ANKRD28: variants seen among roughly 807,000 people sequenced by gnomAD.
ANKRD28 encodes ankyrin repeat domain 28, also known as serine/threonine-protein phosphatase 6 regulatory ankyrin repeat subunit A.
A neutral mutation model predicts 126.5 loss-of-function variants in ANKRD28; 44 were observed. The ratio of observed to expected loss-of-function variants is 0.35; its 90% confidence interval spans 0.27 to 0.45. The LOEUF (loss-of-function observed/expected upper bound fraction) is 0.45, where lower values mean the gene tolerates loss of function less well. Ranked by LOEUF, ANKRD28 falls within the 20% of genes least tolerant of loss-of-function variation. The probability of loss-of-function intolerance (pLI) is 1.00; values close to 1 mark genes in which losing one functional copy is unlikely to be tolerated. For synonymous variants in ANKRD28, 442 were observed against 468.5 expected (o/e 0.94, Z 0.73); for missense variants, 1,110 against 1,316.6 (o/e 0.84, Z 2.43).
chr3:15,811,723 G>T (rs1468956686), intron 1 of ANKRD28, among the ~76,000 whole-genome samples: 1 of 151,816 alleles, frequency 6.6e-6, no homozygotes, highest in Non-Finnish European at 1.5e-5. Flanking sequence ...AAAGTACTGG[G>T]ATTACAGGTG....
chr3:15,804,647 T>C (rs907682868), intron 1 of ANKRD28, among the ~76,000 whole-genome samples: 6 of 145,618 alleles, frequency 4.1e-5, no homozygotes, highest in Non-Finnish European at 1.5e-5. Flanking sequence ...CAAAGGTAAT[T>C]ACAGCAAATG....
chr3:15,730,897 G>T (rs957235495), intron 6 of ANKRD28, among the ~76,000 whole-genome samples: 1 of 152,008 alleles, frequency 6.6e-6, no homozygotes, highest in African/African-American at 2.4e-5. Context: ...AGGCAATAAG[G>T]GCTCTGTCCT....
intron 4 of ANKRD28, among the ~76,000 whole-genome samples, chr3:15,743,301 C>T (rs2057231969): frequency 1.3e-5 from 2 of 152,192 alleles, no homozygotes; most frequent in Admixed American, 6.5e-5. Context: ...CCACTATTGT[C>T]CTATGACCCT....
intron 1 of ANKRD28, among the ~76,000 whole-genome samples, chr3:15,840,042 T>C (rs1160702537): frequency 6.6e-6 from 1 of 152,014 alleles, no homozygotes; most frequent in Admixed American, 6.6e-5. Context: ...GTACTGGAAG[T>C]CCTAGAGAAA....
intron 2 of ANKRD28, among the ~76,000 whole-genome samples, chr3:15,770,446 G>A (rs2058944210): frequency 6.6e-6 from 1 of 151,000 alleles, no homozygotes; most frequent in Non-Finnish European, 1.5e-5. Context: ...GCATTACTGG[G>A]TACAGAAATC....
At chr3:15,682,810 T>C (rs2067679878) in intron 21 of ANKRD28, among the ~76,000 whole-genome samples, 1 of 152,256 alleles carries the variant, frequency 6.6e-6, no homozygotes, top group Admixed American at 6.5e-5. Flanking sequence ...AATATGGTAT[T>C]AATTTTAGGC....
At chr3:15,719,634 T>A (rs1001772022) in intron 8 of ANKRD28, among the ~76,000 whole-genome samples, 1 of 152,172 alleles carries the variant, frequency 6.6e-6, no homozygotes, top group Non-Finnish European at 1.5e-5. Context: ...AGTGGTGCGA[T>A]CATAGTTCAC....
At chr3:15,803,917 T>TA (rs1363407279) in intron 1 of ANKRD28, among the ~76,000 whole-genome samples, 21 of 145,118 alleles carry the variant, frequency 1.4e-4, no homozygotes, top group Non-Finnish European at 2.5e-4. Flanking sequence ...AATGAAATGT[T>TA]AAATCCCAAA....
intron 2 of ANKRD28, among the ~76,000 whole-genome samples, chr3:15,789,844 T>TA (rs1480591537): frequency 6.6e-6 from 1 of 151,668 alleles, no homozygotes. Context: ...AAAGTTGACT[T>TA]AAAAAAATAC....
chr3:15,706,569 T>A (rs1172405801), intron 14 of ANKRD28, among the ~76,000 whole-genome samples: 1 of 152,198 alleles, frequency 6.6e-6, no homozygotes, highest in Non-Finnish European at 1.5e-5. Flanking sequence ...TGTGTCTTTA[T>A]AGCAGCATGA....
Position 15,846,746 on chromosome 3 carries a change from G to A in ANKRD28, c.27+12631C>T, listed in dbSNP as rs1164282423. ...TGATCAGCTGGGTGTGCCTGAGGAG[G>A]CTGGAGACAACCCAGGCTGAAAGAA... On this transcript the variant is annotated intron_variant, in intron 1 of 27. Transcript: ENST00000399451. The surrounding 1 kb of genome is among the most constrained non-coding windows in gnomAD (Gnocchi z 5.4). Among the ~76,000 whole-genome samples the A allele has an allele frequency of 1.3e-5, 2 of 152,210 alleles. No homozygotes were observed. Among genetic ancestry groups the A allele is most frequent in the African/African-American group, 2.4e-5 (1 of 41,444 alleles).
intron 8 of ANKRD28, among the ~76,000 whole-genome samples, chr3:15,718,100 A>T (rs2073284504): frequency 6.6e-6 from 1 of 152,226 alleles, no homozygotes; most frequent in African/African-American, 2.4e-5. Flanking sequence ...AATTATAAAA[A>T]ATACAGTTGT....
intron 3 of ANKRD28, among the ~76,000 whole-genome samples, chr3:15,763,519 T>C (rs928424081): frequency 6.6e-5 from 10 of 152,160 alleles, no homozygotes; most frequent in Admixed American, 3.3e-4. Flanking sequence ...AAAAAGGATG[T>C]CAGGTAACAA....
Position 15,854,071 on chromosome 3 carries a change from A to C in ANKRD28, c.27+5306T>G, listed in dbSNP as rs547117717. On this transcript the variant is annotated intron_variant, in intron 1 of 27. Transcript: ENST00000399451. The surrounding 1 kb of genome is among the most constrained non-coding windows in gnomAD (Gnocchi z 4.1). Reference sequence around the variant, plus strand: ...TGCCTTTTGTAATCTACTCTTCCAAAACCTGTAATGGTTATCTAACTTTCA... The same window carrying C: ...TGCCTTTTGTAATCTACTCTTCCAACACCTGTAATGGTTATCTAACTTTCA... Among the ~76,000 whole-genome samples the C allele has an allele frequency of 5.9e-5, 9 of 152,174 alleles. No individual in the cohort carries two copies. The highest frequency in any genetic ancestry group is 3.3e-4 in the Admixed American group (5 of 15,288).
At chr3:15,670,628 TA>T in intron 27 of ANKRD28, 72 bp from the exon 28 acceptor site, 4 of 1,431,464 alleles carry the variant, frequency 2.8e-6, no homozygotes, top group Non-Finnish European at 3.8e-6. Flanking sequence ...GAAATAAGCC[TA>T]AAGTACTTCA....
intron 14 of ANKRD28, among the ~76,000 whole-genome samples, chr3:15,701,708 A>C (rs1010044141): frequency 2.0e-5 from 3 of 152,212 alleles, no homozygotes; most frequent in Non-Finnish European, 4.4e-5. Context: ...TGATAAAGAA[A>C]TAAAATAAAA....
intron 2 of ANKRD28, among the ~76,000 whole-genome samples, chr3:15,775,110 C>G (rs1325942661): frequency 6.6e-6 from 1 of 152,194 alleles, no homozygotes; most frequent in Non-Finnish European, 1.5e-5. Context: ...CTCCTGACCT[C>G]AAATGATCCA....
Position 15,685,238 on chromosome 3 carries a change from C to T in ANKRD28, c.2377G>A (p.Ala793Thr). ...TTGTATACTTAACCATTGTAGCAAG[C>T]CCAGTGAAGTGCCGTATATCCATGA... ...DNHGYTALHWACYNGHETCVE... is the reference protein window; with the variant it reads ...DNHGYTALHWTCYNGHETCVE... The change falls in exon 21 of 28, where the codon GCT (alanine) becomes ACT (threonine). Residue 793 changes from alanine to threonine, a missense_variant. By Grantham distance (58) the Ala-to-Thr change is moderately conservative (BLOSUM62 0). Transcript: ENST00000683139. 1 of 1,613,916 alleles carries T rather than the reference C, an allele frequency of 6.2e-7. No homozygotes were observed. Among genetic ancestry groups the T allele is most frequent in the South Asian group, 1.1e-5 (1 of 91,078 alleles).
At chr3:15,752,479 A>G (rs920453339) in intron 3 of ANKRD28, among the ~76,000 whole-genome samples, 4 of 152,232 alleles carry the variant, frequency 2.6e-5, no homozygotes, top group Admixed American at 2.0e-4. Flanking sequence ...GAATGCAAAC[A>G]CATTAAGACA....
Sources: allele counts gnomAD v4.1 joint callset (sites outside exome capture counted in the v4.1 genomes callset), GRCh38; gene constraint gnomAD v4.1.1; non-coding constraint Gnocchi (gnomAD v3.1); transcripts MANE v1.5; gene names NCBI Gene and HGNC (gene_info 2026-07-23, HGNC 2026-07-21).